The following PCCA variants were observed in gnomAD, a reference collection of about 807,000 sequenced individuals.
The protein encoded by PCCA is propionyl-CoA carboxylase subunit alpha, also known as propionyl-CoA carboxylase alpha chain, mitochondrial.
A neutral mutation model predicts 101.3 loss-of-function variants in PCCA; 74 were observed. The ratio of observed to expected loss-of-function variants is 0.73; its 90% CI spans 0.61 to 0.89. The LOEUF (loss-of-function observed/expected upper bound fraction) is 0.89. PCCA is among the 40% of genes least tolerant of loss of function. The pLI, the probability that PCCA is intolerant of heterozygous loss-of-function variation, is 0.00. For missense variants in PCCA, 891 were observed against 907.0 expected (o/e 0.98, Z 0.23); for synonymous variants, 294 against 313.6 (o/e 0.94, Z 0.66).
chr13:100,422,708 A>G (rs548470080), intron 19 of PCCA, among the ~76,000 whole-genome samples: 2 of 151,670 alleles, frequency 1.3e-5, no homozygotes, highest in Non-Finnish European at 2.9e-5. Context: ...TTTTAGTCAC[A>G]TTTATTCTAT....
intron 11 of PCCA, among the ~76,000 whole-genome samples, chr13:100,272,043 TCA>T (rs1271764480): frequency 1.3e-5 from 2 of 152,250 alleles, no homozygotes; most frequent in Non-Finnish European, 2.9e-5. Flanking sequence ...GTTTTGTTTC[TCA>T]GAGCCTTTCT....
At chr13:100,484,395 G>A (rs1566430104) in intron 21 of PCCA, among the ~76,000 whole-genome samples, 2 of 152,108 alleles carry the variant, frequency 1.3e-5, no homozygotes, top group Non-Finnish European at 2.9e-5. Flanking sequence ...TAGGGATTAC[G>A]TCCTCCAAAA....
chr13:100,369,117 T>C (rs923404954), intron 19 of PCCA, among the ~76,000 whole-genome samples: 1 of 152,226 alleles, frequency 6.6e-6, no homozygotes, highest in Admixed American at 6.5e-5. Context: ...TCAGTGTTTA[T>C]ACTGTAGTAT....
chr13:100,523,769 C>T lies in PCCA; in HGVS notation c.2041-3906C>T, dbSNP rs778988464. 4.1e-4 allele frequency among the ~76,000 whole-genome samples: 62 copies of T among 152,336 alleles called. No individual in the cohort carries two copies. In the Middle Eastern group the frequency reaches 0.01, roughly 25 times the overall value. ...CAATTAGACAGGGAGCGGGGAGATA[C>T]ATCAGGCCCACTAGGTTCATCAAAA... is the stretch of plus-strand genomic sequence containing the variant. On this transcript the variant is annotated intron_variant, in intron 22 of 23. Transcript: ENST00000376285.
chr13:100,492,260 G>A (rs3783175), intron 21 of PCCA, among the ~76,000 whole-genome samples: 35,653 of 151,698 alleles, frequency 0.24, 5,030 homozygotes, highest in East Asian at 0.55. Context: ...CCTGCCTCCC[G>A]AGTAGCTGGG....
At chr13:100,164,454 G>T (rs1385970236) in intron 6 of PCCA, among the ~76,000 whole-genome samples, 1 of 152,158 alleles carries the variant, frequency 6.6e-6, no homozygotes, top group African/African-American at 2.4e-5. Context: ...GTTACAGCAG[G>T]CTGTTTCAGC....
At chr13:100,380,165 C>T (rs1031078675) in intron 19 of PCCA, among the ~76,000 whole-genome samples, 1 of 152,042 alleles carries the variant, frequency 6.6e-6, no homozygotes, top group Non-Finnish European at 1.5e-5. Flanking sequence ...AGTTCGAGAC[C>T]AGCCTGAGAA....
chr13:100,334,706 G>GGAA (rs1218705191), intron 17 of PCCA, among the ~76,000 whole-genome samples: 4 of 152,164 alleles, frequency 2.6e-5, no homozygotes, highest in African/African-American at 9.7e-5. Context: ...AGGAATAAAT[G>GGAA]GAAGTATCTC....
At chr13:100,343,139 T>A (rs1045125645) in intron 18 of PCCA, among the ~76,000 whole-genome samples, 9 of 152,166 alleles carry the variant, frequency 5.9e-5, no homozygotes, top group Non-Finnish European at 1.0e-4. Flanking sequence ...GAGGTTGCAG[T>A]GAGCCAAGAA....
chr13:100,362,730 C>T (rs773910648), intron 18 of PCCA, among the ~76,000 whole-genome samples: 2 of 152,126 alleles, frequency 1.3e-5, no homozygotes, highest in African/African-American at 2.4e-5. Context: ...ATCCTAGATT[C>T]AGATGTCATT....
intron 19 of PCCA, among the ~76,000 whole-genome samples, chr13:100,422,087 TTTC>T (rs2078827879): frequency 2.9e-5 from 4 of 137,956 alleles, no homozygotes; most frequent in African/African-American, 9.2e-5. Flanking sequence ...TCTTTCTTTC[TTTC>T]TTTCTTTCTT....
chr13:100,496,199 C>T (rs2085265795), intron 21 of PCCA, among the ~76,000 whole-genome samples: 1 of 152,198 alleles, frequency 6.6e-6, no homozygotes, highest in Admixed American at 6.5e-5. Context: ...AGTTTTCCTA[C>T]TCTTTAAAAT....
At chr13:100,233,076 A>G (rs1264350650) in intron 7 of PCCA, among the ~76,000 whole-genome samples, 1 of 152,180 alleles carries the variant, frequency 6.6e-6, no homozygotes, top group Admixed American at 6.6e-5. Context: ...AATTCAAAAT[A>G]ATGAATTTCT....
At chr13:100,299,994 G>A (rs545421741) in intron 12 of PCCA, among the ~76,000 whole-genome samples, 1 of 152,238 alleles carries the variant, frequency 6.6e-6, no homozygotes, top group African/African-American at 2.4e-5. Context: ...GATTACAGGC[G>A]TGAAGCGCCA....
At chr13:100,140,927 G>T (rs1183676876) in intron 4 of PCCA, among the ~76,000 whole-genome samples, 1 of 152,162 alleles carries the variant, frequency 6.6e-6, no homozygotes, top group Non-Finnish European at 1.5e-5. Flanking sequence ...AATAAAGGAG[G>T]TTTTCATTGT....
At chr13:100,288,249 A>G (rs1388578377) in intron 12 of PCCA, among the ~76,000 whole-genome samples, 1 of 152,040 alleles carries the variant, frequency 6.6e-6, no homozygotes, top group African/African-American at 2.4e-5. Context: ...AGTTTGGTGC[A>G]TTTGTTACAA....
chr13:100,319,636 A>T (rs1191045828), intron 16 of PCCA, among the ~76,000 whole-genome samples: 3 of 152,206 alleles, frequency 2.0e-5, no homozygotes, highest in African/African-American at 7.2e-5. Context: ...GTCAAAGATC[A>T]GATAGTTGTA....
rs540239216 is a variant in PCCA, at chr13:100,372,906, A to AT, written c.1746+4341dup. ...AGGTGCATGCCACCACACTTGGCTA[A>AT]TTTTTTTTTGTATTTTTAGTAGAGA... On this transcript the variant is annotated intron_variant, in intron 19 of 23. Transcript: ENST00000376285. 6.0e-5 allele frequency among the ~76,000 whole-genome samples: 9 copies of AT among 151,192 alleles called. No homozygotes were observed. In the South Asian group the frequency reaches 1.0e-3, roughly 18 times the overall value.
At chr13:100,179,386 C>A (rs1032387048) in intron 6 of PCCA, among the ~76,000 whole-genome samples, 42 of 152,130 alleles carry the variant, frequency 2.8e-4, no homozygotes, top group African/African-American at 1.0e-3. Context: ...AAAAAAAAGA[C>A]TAAAATGTAC....
Sources: allele counts gnomAD v4.1 joint callset (sites outside exome capture counted in the v4.1 genomes callset), GRCh38; gene constraint gnomAD v4.1.1; transcripts MANE v1.5; gene names NCBI Gene and HGNC (gene_info 2026-07-23, HGNC 2026-07-21).